Variants in CCSER1 observed in about 807,000 individuals in gnomAD.
CCSER1 encodes coiled-coil serine rich protein 1, also known as serine-rich coiled-coil domain-containing protein 1.
A neutral mutation model predicts 82.0 loss-of-function variants in CCSER1; 41 were observed. The ratio of observed to expected loss-of-function variants is 0.50; its 90% CI spans 0.39 to 0.65. The LOEUF is 0.65. Among genes scored for constraint, CCSER1 ranks in the 30% least tolerant of loss-of-function variants. The pLI is 0.00. For synonymous variants in CCSER1, 414 were observed against 383.9 expected, an observed-to-expected ratio of 1.08 and a Z score of -0.92; for missense variants, 1,119 against 1,064.2, an observed-to-expected ratio of 1.05 and a Z score of -0.72.
chr4:91,355,369 C>T (rs1748752728), intron 10 of CCSER1, among the ~76,000 whole-genome samples: 1 of 152,024 alleles, frequency 6.6e-6, no homozygotes, highest in Non-Finnish European at 1.5e-5. Context: ...TAGAAAAGGA[C>T]CAGTCCTTAA....
At chr4:91,108,057 G>A (rs1406807852) in intron 10 of CCSER1, 2 of 152,174 alleles carry the variant, frequency 1.3e-5, no homozygotes, top group African/African-American at 2.4e-5. Flanking sequence ...TTTCAGTGAA[G>A]TGAGGTGAAA....
chr4:90,590,218 G>A (rs1165471051), intron 5 of CCSER1, among the ~76,000 whole-genome samples: 2 of 152,088 alleles, frequency 1.3e-5, no homozygotes, highest in African/African-American at 2.4e-5. Flanking sequence ...AGGTTGCACT[G>A]GGCCAAGATC....
intron 10 of CCSER1, among the ~76,000 whole-genome samples, chr4:91,557,748 G>C (rs1762470031): frequency 6.6e-6 from 1 of 151,280 alleles, no homozygotes; most frequent in Non-Finnish European, 1.5e-5. Context: ...ATGTGTTCAA[G>C]GAGTTGCAAG....
intron 10 of CCSER1, among the ~76,000 whole-genome samples, chr4:91,226,370 G>C (rs1738206277): frequency 6.6e-6 from 1 of 151,906 alleles, no homozygotes; most frequent in Admixed American, 6.6e-5. Context: ...ACACAGCTAT[G>C]ATAAATCATT....
At chr4:90,964,535 C>A (rs995990074) in intron 9 of CCSER1, among the ~76,000 whole-genome samples, 4 of 151,692 alleles carry the variant, frequency 2.6e-5, no homozygotes, top group African/African-American at 9.7e-5. Context: ...ACCATCCTGA[C>A]TAACATGGTG....
intron 10 of CCSER1, among the ~76,000 whole-genome samples, chr4:91,159,172 G>A (rs749891479): frequency 3.3e-5 from 5 of 151,570 alleles, no homozygotes; most frequent in South Asian, 2.1e-4. Flanking sequence ...CATGTTCTCC[G>A]GGCTTCAGCA....
chr4:90,381,818 A>C (rs1298881472), intron 3 of CCSER1, among the ~76,000 whole-genome samples: 1 of 152,086 alleles, frequency 6.6e-6, no homozygotes, highest in African/African-American at 2.4e-5. Context: ...TGTTTAATTG[A>C]TGTTTCTCCA....
At chr4:90,730,856 G>A (rs1744578539) in intron 7 of CCSER1, among the ~76,000 whole-genome samples, 6 of 152,222 alleles carry the variant, frequency 3.9e-5, no homozygotes, top group South Asian at 4.1e-4. Context: ...TGAATGATGA[G>A]ACAAGTAATA....
At chr4:90,969,760 A>G (rs1463531998) in intron 9 of CCSER1, among the ~76,000 whole-genome samples, 1 of 151,992 alleles carries the variant, frequency 6.6e-6, no homozygotes, top group Non-Finnish European at 1.5e-5. Context: ...AAAGGTAAAT[A>G]TATAGTTAAT....
At chr4:90,218,283 A>T (rs1741481981) in intron 1 of CCSER1, among the ~76,000 whole-genome samples, 1 of 152,080 alleles carries the variant, frequency 6.6e-6, no homozygotes, top group African/African-American at 2.4e-5. Context: ...AGCAGACTTG[A>T]TCCTGGTGAA....
At chr4:91,003,586 G>A (rs914285424) in intron 9 of CCSER1, among the ~76,000 whole-genome samples, 4 of 152,088 alleles carry the variant, frequency 2.6e-5, no homozygotes, top group African/African-American at 4.8e-5. Flanking sequence ...CAACAGAACC[G>A]AGTCTGTTTC....
chr4:91,455,890 G>A (rs868048352), intron 10 of CCSER1, among the ~76,000 whole-genome samples: 5 of 151,986 alleles, frequency 3.3e-5, no homozygotes, highest in African/African-American at 7.2e-5. Flanking sequence ...CTTTAAAGTC[G>A]AGGGAAAATT....
chr4:90,132,015 A>G (rs996325276), intron 1 of CCSER1, among the ~76,000 whole-genome samples: 2 of 152,212 alleles, frequency 1.3e-5, no homozygotes, highest in Admixed American at 1.3e-4. Flanking sequence ...CAAATATTAG[A>G]CATGACTTTC....
At chr4:90,889,671 A>G (rs892977610) in intron 8 of CCSER1, among the ~76,000 whole-genome samples, 1 of 152,188 alleles carries the variant, frequency 6.6e-6, no homozygotes, top group South Asian at 2.1e-4. Flanking sequence ...TGGTATATAC[A>G]TAAAATGGAA....
chr4:91,091,455 C>A (rs968318957), intron 10 of CCSER1, among the ~76,000 whole-genome samples: 1 of 152,182 alleles, frequency 6.6e-6, no homozygotes, highest in Non-Finnish European at 1.5e-5. Context: ...TGTTGTCCTA[C>A]CTCAGTGACC....
chr4:91,446,923 G>A (rs955638284), intron 10 of CCSER1, among the ~76,000 whole-genome samples: 15 of 151,872 alleles, frequency 9.9e-5, no homozygotes, highest in African/African-American at 2.9e-4. Context: ...TCTTGATTTG[G>A]TTTAGTTAAA....
intron 5 of CCSER1, among the ~76,000 whole-genome samples, chr4:90,559,062 G>A (rs1298096420): frequency 6.6e-6 from 1 of 152,168 alleles, no homozygotes; most frequent in Non-Finnish European, 1.5e-5. Flanking sequence ...AGGTCTGCCA[G>A]GGTCCATTGC....
chr4:91,465,461 A>G (rs1027309774), intron 10 of CCSER1, among the ~76,000 whole-genome samples: 3 of 152,040 alleles, frequency 2.0e-5, no homozygotes, highest in African/African-American at 7.3e-5. Flanking sequence ...GCAAGAGCAA[A>G]CATATTCAAA....
At chr4:90,912,909 G>T (rs560763212) in intron 8 of CCSER1, among the ~76,000 whole-genome samples, 1 of 152,128 alleles carries the variant, frequency 6.6e-6, no homozygotes, top group African/African-American at 2.4e-5. Context: ...TCAAATGAAC[G>T]AAATGAAGTG....
Sources: gnomAD v4.1 joint callset for allele counts (sites outside exome capture counted in the v4.1 genomes callset) on GRCh38, gnomAD v4.1.1 for gene constraint, MANE v1.5 for transcripts, NCBI Gene and HGNC (gene_info 2026-07-23, HGNC 2026-07-21) for gene names.